Variants in CDK1 observed in about 807,000 individuals in gnomAD.
CDK1 encodes cyclin dependent kinase 1.
In CDK1, 5 loss-of-function variants were observed where a neutral mutation model predicts 34.6. The observed-to-expected ratio is 0.14, with a 90% CI of 0.08 to 0.30. The LOEUF (loss-of-function observed/expected upper bound fraction) is 0.30. CDK1 is among the 10% of genes least tolerant of loss of function. CDK1 has a pLI of 1.00. For missense variants in CDK1, 157 were observed against 345.7 expected (o/e 0.45, Z 4.33); for synonymous variants, 108 against 114.7 (o/e 0.94, Z 0.37).
Position 60,794,641 on chromosome 10 carries a change from T to G in CDK1, c.*666T>G, listed in dbSNP as rs961360913. 1 of 152,146 alleles carries G rather than the reference T, an allele frequency of 6.6e-6. No homozygotes were observed. Among genetic ancestry groups the G allele is most frequent in the African/African-American group, 2.4e-5 (1 of 41,448 alleles). The allele number at this position is 152,146 out of a possible 1,614,324, so 9.4% of individuals were successfully genotyped here. A position where few individuals can be genotyped will look rare whatever the true frequency, so the allele number is the denominator to read the frequency against. The stretch of plus-strand genomic sequence containing the variant: ...AGTTTTGAAAATTTATGAACTATCT[T>G]ATTTTTAGGTAGGTTTTGAAAGCTT... On this transcript the variant is annotated 3_prime_UTR_variant, in exon 8 of 8. Coordinates refer to ENST00000395284, the MANE Select transcript of CDK1 (RefSeq NM_001786.5).
rs1370675778 is a variant in CDK1, at chr10:60,794,065, C to A, written c.*90C>A. The A allele has an allele frequency of 4.6e-6, 3 of 648,286 alleles. No individual in the cohort carries two copies. The highest frequency in any genetic ancestry group is 8.0e-6 in the Non-Finnish European group (3 of 375,014). 40.2% of individuals were successfully genotyped at this position (648,286 alleles called of 1,614,324 possible). On this transcript the variant is annotated 3_prime_UTR_variant, in exon 8 of 8. Transcript: ENST00000395284. ...GTCTATTTTTGTCTTATATATATTT[C>A]TTTGTTATCAAACTTCAGCTGTACT...
Position 60,790,812 on chromosome 10 carries a change from T to A in CDK1, c.490-1078T>A, listed in dbSNP as rs973482161. Among the ~76,000 whole-genome samples the A allele has an allele frequency of 2.0e-5, 3 of 152,208 alleles. No individual in the cohort carries two copies. In the South Asian group the frequency reaches 6.2e-4, roughly 32 times the overall value. On this transcript the variant is annotated intron_variant, in intron 5 of 7. Coordinates refer to ENST00000395284, the MANE Select transcript of CDK1 (RefSeq NM_001786.5). Reference sequence around the variant, plus strand: ...TTTTCCCTAGTGAATGTTCTTGTCATCTTTCTCAAAAATGAGTTGACTGTA... The same window carrying A: ...TTTTCCCTAGTGAATGTTCTTGTCAACTTTCTCAAAAATGAGTTGACTGTA...
chr10:60,779,724 T>C (rs908729175), intron 1 of CDK1, among the ~76,000 whole-genome samples: 4 of 152,358 alleles, frequency 2.6e-5, no homozygotes, highest in South Asian at 2.1e-4. Context: ...AAATAATGTT[T>C]TGAATAAAAT....
intron 2 of CDK1, among the ~76,000 whole-genome samples, chr10:60,781,029 G>GGT (rs1367057458): frequency 6.6e-6 from 1 of 150,686 alleles, no homozygotes; most frequent in African/African-American, 2.4e-5. Flanking sequence ...TTCGATTGGA[G>GGT]GTGTGTGTGT....
Position 60,788,263 on chromosome 10 carries a change from A to C in CDK1, c.489+33A>C, listed in dbSNP as rs957366243. 5 of 1,367,270 alleles carry C rather than the reference A, an allele frequency of 3.7e-6. No individual in the cohort carries two copies. In the African/African-American group the frequency reaches 5.9e-5, roughly 16 times the overall value. 84.7% of individuals were successfully genotyped at this position (1,367,270 alleles called of 1,614,324 possible). On this transcript the variant is annotated intron_variant, in intron 5 of 7. Coordinates refer to ENST00000395284, the MANE Select transcript of CDK1 (RefSeq NM_001786.5). ...GAATAGTGGTTTTTGATGGCTTTTG[A>C]ATGTGTGTGATTGCTAGATTATTTT...
intron 7 of CDK1, among the ~76,000 whole-genome samples, chr10:60,793,299 A>G (rs2080374047): frequency 6.6e-6 from 1 of 152,038 alleles, no homozygotes; most frequent in African/African-American, 2.4e-5. Context: ...TGTTGATTTT[A>G]TTTTATTTTA....
chr10:60,779,171 T>G (rs1462541481), intron 1 of CDK1, among the ~76,000 whole-genome samples: 1 of 152,234 alleles, frequency 6.6e-6, no homozygotes, highest in East Asian at 1.9e-4. Flanking sequence ...GTAGTGCAGT[T>G]TTTTTCATTT....
intron 4 of CDK1, 175 bp downstream of exon 4, chr10:60,785,962 A>T (rs1451311173): frequency 1.7e-5 from 21 of 1,208,150 alleles, no homozygotes; most frequent in Non-Finnish European, 2.2e-5. Context: ...CCATGTTATT[A>T]CCAGATAGTG....
chr10:60,788,412 G>C (rs568663938), intron 5 of CDK1, among the ~76,000 whole-genome samples, 182 bp downstream of exon 5: 6 of 152,192 alleles, frequency 3.9e-5, no homozygotes, highest in African/African-American at 1.2e-4. Flanking sequence ...AAGCCTTTAA[G>C]TATTTTTTCT....
intron 5 of CDK1, among the ~76,000 whole-genome samples, chr10:60,791,390 AAG>A (rs2080358680): frequency 6.6e-6 from 1 of 152,082 alleles, no homozygotes; most frequent in African/African-American, 2.4e-5. Flanking sequence ...AATCAGTTCT[AAG>A]AGTTTTTGGT....
At position 60,784,782 on chromosome 10, in the gene CDK1, A is replaced by G; in HGVS notation, c.115A>G (p.Ser39Gly). Residue 39 changes from serine (S) to glycine (G), a missense_variant, in exon 3 of 8, where the codon AGT (serine) becomes GGT (glycine). Ser to Gly is a moderately conservative substitution (Grantham distance 56, BLOSUM62 0). This residue lies in a region of CDK1 where 53 missense variants were observed against 89.2 expected (regional missense o/e 0.59). Coordinates refer to ENST00000395284, the MANE Select transcript of CDK1 (RefSeq NM_001786.5). ...VVAMKKIRLE[S>G]EEEGVPSTAI... ...AGCCATGAAAAAAATCAGACTAGAA[A>G]GTGAAGAGGAAGGGGTTCCTAGTAC... 6.2e-7 allele frequency: 1 copy of G among 1,613,346 alleles called. No homozygotes were observed. Among genetic ancestry groups the G allele is most frequent in the East Asian group, 2.2e-5 (1 of 44,856 alleles).
At chr10:60,781,585 A>G (rs2132062619) in intron 2 of CDK1, among the ~76,000 whole-genome samples, 1 of 152,312 alleles carries the variant, frequency 6.6e-6, no homozygotes. Flanking sequence ...TTGTATTATT[A>G]CTATGAACAC....
intron 2 of CDK1, among the ~76,000 whole-genome samples, chr10:60,783,132 T>C (rs2080286750): frequency 6.6e-6 from 1 of 152,182 alleles, no homozygotes; most frequent in African/African-American, 2.4e-5. Flanking sequence ...TTGTGTTTAA[T>C]GAGAGCTGAA....
At chr10:60,785,530 C>T in intron 3 of CDK1, 134 bp from the exon 4 acceptor site, 2 of 585,956 alleles carry the variant, frequency 3.4e-6, no homozygotes, top group Non-Finnish European at 6.0e-6. Context: ...TTTTGAGTCT[C>T]TTCCATTAGG....
intron 7 of CDK1, among the ~76,000 whole-genome samples, chr10:60,793,556 A>G (rs1333842666): frequency 6.6e-6 from 1 of 152,078 alleles, no homozygotes; most frequent in Non-Finnish European, 1.5e-5. Flanking sequence ...CTCAATGTAA[A>G]TATAATTAAC....
Position 60,792,165 on chromosome 10 carries a change from A to G in CDK1, c.671A>G (p.Asn224Ser). The stretch of plus-strand genomic sequence containing the variant: ...TTTTTTAGAGCTTTGGGCACTCCCA[A>G]TAATGAAGTGTGGCCAGAAGTGGAA... ...FRIFRALGTP[N>S]NEVWPEVESL... The change falls in exon 7 of 8, where the codon AAT becomes AGT. Residue 224 changes from asparagine to serine, a missense_variant. Around this residue, in one of 3 missense-constraint regions of CDK1, gnomAD observed 102 missense variants for 233.6 expected, o/e 0.44. Coordinates refer to ENST00000395284, the MANE Select transcript of CDK1 (RefSeq NM_001786.5). The G allele has an allele frequency of 2.5e-6, 4 of 1,609,688 alleles. No homozygotes were observed. Among genetic ancestry groups the G allele is most frequent in the Non-Finnish European group, 3.4e-6 (4 of 1,178,556 alleles).
Position 60,793,911 on chromosome 10 carries a change from C to A in CDK1, c.830C>A (p.Ser277Tyr). ...MLIYDPAKRI[S>Y]GKMALNHPYF... The stretch of plus-strand genomic sequence containing the variant: ...ATCTATGATCCAGCCAAACGAATTT[C>A]TGGCAAAATGGCACTGAATCATCCA... Residue 277 changes from serine to tyrosine, a missense_variant, in exon 8 of 8, where the codon TCT becomes TAT. Coordinates refer to ENST00000395284, the MANE Select transcript of CDK1 (RefSeq NM_001786.5). 1 of 1,559,838 alleles carries A rather than the reference C, an allele frequency of 6.4e-7. No homozygotes were observed. Among genetic ancestry groups the A allele is most frequent in the Non-Finnish European group, 8.6e-7 (1 of 1,156,124 alleles).
At chr10:60,787,433 T>C (rs2080325878) in intron 4 of CDK1, among the ~76,000 whole-genome samples, 1 of 152,058 alleles carries the variant, frequency 6.6e-6, no homozygotes, top group Admixed American at 6.6e-5. Flanking sequence ...CTTGTCCCTC[T>C]AAGATGGAGC....
At chr10:60,786,924 G>C (rs3213053) in intron 4 of CDK1, 1 of 982,078 alleles carries the variant, frequency 1.0e-6, no homozygotes, top group African/African-American at 1.8e-5. Flanking sequence ...CTCAAAGATC[G>C]AATGTATTAG....
Sources: allele counts gnomAD v4.1 joint callset (sites outside exome capture counted in the v4.1 genomes callset), GRCh38; gene constraint gnomAD v4.1.1; regional missense constraint gnomAD v4.1.1; transcripts MANE v1.5; gene names NCBI Gene and HGNC (gene_info 2026-07-23, HGNC 2026-07-21).